The following OCA2 variants were observed in gnomAD, a reference collection of about 807,000 sequenced individuals.
OCA2 encodes P protein.
Under a neutral mutation model 100.2 loss-of-function variants are expected in OCA2, and 77 were observed. The observed-to-expected ratio is 0.77, with a 90% confidence interval of 0.64 to 0.93. The LOEUF is 0.93. Among genes scored for constraint, OCA2 ranks in the 40% least tolerant of loss-of-function variants. The pLI is 0.00. For synonymous variants in OCA2, 432 were observed against 439.2 expected (o/e 0.98, Z 0.21); for missense variants, 1,062 against 1,089.1 (o/e 0.98, Z 0.35).
intron 18 of OCA2, among the ~76,000 whole-genome samples, chr15:27,949,721 ACC>A (rs2039969745): frequency 6.6e-6 from 1 of 152,148 alleles, no homozygotes; most frequent in African/African-American, 2.4e-5. Context: ...ACAGAACTTC[ACC>A]AAAGATAAAT....
Position 27,755,652 on chromosome 15 carries a change from A to G in OCA2, c.2433-180T>C, listed in dbSNP as rs924590460. Among the ~76,000 whole-genome samples the G allele has an allele frequency of 1.3e-4, 20 of 152,206 alleles. 1 individual carries two copies. Among genetic ancestry groups the G allele is most frequent in the Non-Finnish European group, 4.4e-5 (3 of 68,034 alleles). The stretch of plus-strand genomic sequence containing the variant: ...CTAAATTATGTGAATGCATGCTTCT[A>G]TTAGACATCCTCCATTGTGTGCAAT... On this transcript the variant is annotated intron_variant, in intron 23 of 23. Coordinates refer to ENST00000354638, the MANE Select transcript of OCA2 (RefSeq NM_000275.3).
At chr15:27,971,204 A>G (rs1432327363) in intron 14 of OCA2, among the ~76,000 whole-genome samples, 1 of 152,200 alleles carries the variant, frequency 6.6e-6, no homozygotes, top group East Asian at 1.9e-4. Flanking sequence ...AGAATGTCCC[A>G]GCAAGCCCAG....
At chr15:27,931,170 A>T (rs2039234750) in intron 18 of OCA2, among the ~76,000 whole-genome samples, 1 of 152,130 alleles carries the variant, frequency 6.6e-6, no homozygotes, top group Admixed American at 6.5e-5. Flanking sequence ...TCAGTTTAAA[A>T]ACAAAACAAA....
At chr15:28,026,631 G>A (rs773594397) in intron 4 of OCA2, among the ~76,000 whole-genome samples, 1 of 152,182 alleles carries the variant, frequency 6.6e-6, no homozygotes, top group Non-Finnish European at 1.5e-5. Context: ...GTGGCCTTGG[G>A]CAAAAGCCTT....
At chr15:28,083,734 A>G (rs1446552998) in intron 1 of OCA2, among the ~76,000 whole-genome samples, 3 of 152,240 alleles carry the variant, frequency 2.0e-5, no homozygotes, top group African/African-American at 7.2e-5. Flanking sequence ...GCACCATGAC[A>G]AGCCAAGAGA....
the OCA2 span, among the ~76,000 whole-genome samples, chr15:27,722,656 C>CTT: frequency 3.2e-3 from 238 of 74,360 alleles, 1 homozygote; most frequent in Non-Finnish European, 5.5e-3. Context: ...CTTCTTTTCT[C>CTT]TCTTTCTTTC....
At chr15:28,025,435 T>TAC (rs2042720965) in intron 4 of OCA2, among the ~76,000 whole-genome samples, 2 of 152,176 alleles carry the variant, frequency 1.3e-5, no homozygotes, top group Admixed American at 1.3e-4. Context: ...ACTCAGCCCC[T>TAC]ACCAAGGACT....
At chr15:28,015,045 A>G (rs904254935) in intron 8 of OCA2, 116 bp from the exon 9 acceptor site, 2 of 1,086,376 alleles carry the variant, frequency 1.8e-6, no homozygotes, top group Non-Finnish European at 2.7e-6. Flanking sequence ...CCAACGCCCA[A>G]TCTCACAGCT....
intron 19 of OCA2, among the ~76,000 whole-genome samples, chr15:27,923,597 T>A (rs1189837313): frequency 6.6e-6 from 1 of 152,238 alleles, no homozygotes; most frequent in African/African-American, 2.4e-5. Flanking sequence ...TTGATATACA[T>A]TTTTCTAATG....
chr15:27,771,925 C>T (rs1172119014), intron 23 of OCA2, among the ~76,000 whole-genome samples: 1 of 152,158 alleles, frequency 6.6e-6, no homozygotes, highest in East Asian at 1.9e-4. Context: ...TGTGGTTCAG[C>T]TCTTTCCTCC....
chr15:27,999,084 G>C (rs1335426193), intron 9 of OCA2, among the ~76,000 whole-genome samples: 2 of 147,894 alleles, frequency 1.4e-5, no homozygotes, highest in African/African-American at 2.4e-5. Context: ...AGCATTAGGA[G>C]ATATACCTAA....
intron 2 of OCA2, among the ~76,000 whole-genome samples, chr15:28,057,465 CTGGAGACCAGTGAATCCCT>C (rs1288980908): frequency 6.6e-6 from 1 of 152,122 alleles, no homozygotes; most frequent in Non-Finnish European, 1.5e-5. Flanking sequence ...CTGAGATGTC[CTGGAGACCAGTGAATCCCT>C]TGGCCTGCCC....
At chr15:27,843,956 C>A (rs930881979) in intron 23 of OCA2, among the ~76,000 whole-genome samples, 4 of 152,180 alleles carry the variant, frequency 2.6e-5, no homozygotes, top group Non-Finnish European at 5.9e-5. Context: ...GTTCTGAGAA[C>A]CATCATTGTG....
intron 2 of OCA2, among the ~76,000 whole-genome samples, chr15:28,081,401 TAA>T (rs1462298719): frequency 6.6e-6 from 1 of 152,222 alleles, no homozygotes; most frequent in Non-Finnish European, 1.5e-5. Flanking sequence ...AATAATATAT[TAA>T]GTGTTAAGTC....
At chr15:28,097,120 C>T (rs972988178) in intron 1 of OCA2, among the ~76,000 whole-genome samples, 2 of 152,240 alleles carry the variant, frequency 1.3e-5, no homozygotes, top group African/African-American at 4.8e-5. Context: ...CGGACCTGCT[C>T]CCCGCCGCCC....
At chr15:28,000,431 C>T (rs1351883962) in intron 9 of OCA2, among the ~76,000 whole-genome samples, 1 of 152,084 alleles carries the variant, frequency 6.6e-6, no homozygotes, top group Admixed American at 6.6e-5. Flanking sequence ...TGAAAGTGGA[C>T]CCTATCCTAC....
At chr15:28,000,563 T>C (rs2041895473) in intron 9 of OCA2, among the ~76,000 whole-genome samples, 1 of 152,138 alleles carries the variant, frequency 6.6e-6, no homozygotes. Context: ...CAATGATTTT[T>C]TGGATATAAC....
intron 23 of OCA2, among the ~76,000 whole-genome samples, chr15:27,837,891 A>T (rs2035213887): frequency 6.6e-6 from 1 of 151,808 alleles, no homozygotes; most frequent in South Asian, 2.1e-4. Flanking sequence ...CTGAAAAAAA[A>T]AAAAAAAAGA....
chr15:27,874,472 C>A lies in OCA2; in HGVS notation c.2080-2550G>T, dbSNP rs535738050. On this transcript the variant is annotated intron_variant, in intron 19 of 23. Transcript: ENST00000354638. ...TGGAGGAAAGCATCCCGCCTGCAGGCCCTCAGGAATCCCACAGAATACGAT... is the reference window on the plus strand; with the variant it reads ...TGGAGGAAAGCATCCCGCCTGCAGGACCTCAGGAATCCCACAGAATACGAT... Among the ~76,000 whole-genome samples, 3 of 152,268 alleles carry A rather than the reference C, an allele frequency of 2.0e-5. No individual in the cohort carries two copies. In the South Asian group the frequency reaches 6.2e-4, roughly 32 times the overall value.
Sources: allele counts gnomAD v4.1 joint callset (sites outside exome capture counted in the v4.1 genomes callset), GRCh38; gene constraint gnomAD v4.1.1; transcripts MANE v1.5; gene names NCBI Gene and HGNC (gene_info 2026-07-23, HGNC 2026-07-21).